Variants in HECW2 observed in about 807,000 individuals in gnomAD.
HECW2 encodes E3 ubiquitin-protein ligase HECW2.
Under a neutral mutation model 175.2 loss-of-function variants are expected in HECW2, and 61 were observed. The ratio of observed to expected loss-of-function variants is 0.35; its 90% CI spans 0.28 to 0.43. The LOEUF (loss-of-function observed/expected upper bound fraction) is 0.43, where lower values mean the gene tolerates loss of function less well. HECW2 is among the 20% of genes least tolerant of loss of function. HECW2 has a pLI of 1.00. For synonymous variants in HECW2, 671 were observed against 731.0 expected (o/e 0.92, Z 1.32); for missense variants, 1,524 against 2,000.5 (o/e 0.76, Z 4.54).
chr2:196,460,052 G>A (rs971364573), intron 1 of HECW2, among the ~76,000 whole-genome samples: 1 of 152,070 alleles, frequency 6.6e-6, no homozygotes, highest in Non-Finnish European at 1.5e-5. Flanking sequence ...GTCTCCAATG[G>A]AAGGCTATGC....
At chr2:196,548,289 C>A (rs1392665388) in intron 1 of HECW2, among the ~76,000 whole-genome samples, 1 of 144,762 alleles carries the variant, frequency 6.9e-6, no homozygotes, top group Non-Finnish European at 1.5e-5. Context: ...GAGATCTCGC[C>A]AGTGCACTCC....
chr2:196,578,224 G>C (rs764204140), intron 1 of HECW2, among the ~76,000 whole-genome samples: 6 of 152,118 alleles, frequency 3.9e-5, no homozygotes, highest in Non-Finnish European at 8.8e-5. Flanking sequence ...TAATTGAAAT[G>C]AATAATTCAC....
intron 14 of HECW2, chr2:196,290,213 T>A (rs1690555846): frequency 6.6e-6 from 1 of 152,170 alleles, no homozygotes. Flanking sequence ...AGTAAAAACA[T>A]CCCCAGAAAA....
chr2:196,390,714 G>A (rs1442524569), intron 2 of HECW2, among the ~76,000 whole-genome samples: 2 of 152,100 alleles, frequency 1.3e-5, no homozygotes, highest in Non-Finnish European at 2.9e-5. Flanking sequence ...TGGGTCCAAG[G>A]CATTCATGGA....
Position 196,197,094 on chromosome 2 carries a change from G to C in HECW2, c.*4183C>G, listed in dbSNP as rs57518059. ...AGACTGTCTCAAACAAACAAACAAAGAAAGCAAAAGGCCCTGAAACTGAGA... is the reference window on the plus strand; with the variant it reads ...AGACTGTCTCAAACAAACAAACAAACAAAGCAAAAGGCCCTGAAACTGAGA... On this transcript the variant is annotated 3_prime_UTR_variant, in exon 29 of 29. Coordinates refer to ENST00000644978, the MANE Select transcript of HECW2 (RefSeq NM_001348768.2). 5,883 of 152,042 alleles carry C rather than the reference G, an allele frequency of 0.039. 387 individuals are homozygous for C. Among genetic ancestry groups the C allele is most frequent in the African/African-American group, 0.13 (5,584 of 41,428 alleles). 9.4% of individuals were successfully genotyped at this position (152,042 alleles called of 1,614,324 possible).
chr2:196,196,598 A>C lies in HECW2; in HGVS notation c.*4679T>G, dbSNP rs994627746. ...GACTGCTTGAGCTCAGGAGTTCAAG[A>C]CCAGCCTGGGCAACGTGGCAAAACC... On this transcript the variant is annotated 3_prime_UTR_variant, in exon 29 of 29. Transcript: ENST00000644978. The C allele has an allele frequency of 6.6e-6, 1 of 152,552 alleles. No homozygotes were observed. The highest frequency in any genetic ancestry group is 1.9e-4 in the East Asian group (1 of 5,216). The allele number at this position is 152,552 out of a possible 1,614,324, so 9.4% of individuals were successfully genotyped here.
chr2:196,326,863 C>A (rs1197399191), intron 5 of HECW2, among the ~76,000 whole-genome samples: 16 of 152,164 alleles, frequency 1.1e-4, no homozygotes, highest in Non-Finnish European at 2.9e-5. Context: ...GCCGTGCAGT[C>A]CCCATTCCTG....
chr2:196,398,980 T>G (rs765349732), intron 2 of HECW2, among the ~76,000 whole-genome samples: 144 of 152,246 alleles, frequency 9.5e-4, no homozygotes, highest in Admixed American at 1.6e-3. Context: ...ACCCTGTCTC[T>G]TTAAAAACAA....
intron 21 of HECW2, among the ~76,000 whole-genome samples, chr2:196,237,359 A>G (rs1453384292): frequency 2.0e-5 from 3 of 152,024 alleles, no homozygotes; most frequent in Non-Finnish European, 2.9e-5. Context: ...TCTTTCCCCC[A>G]AGTCCCAAAA....
At chr2:196,580,574 A>G (rs1162673459) in intron 1 of HECW2, among the ~76,000 whole-genome samples, 1 of 152,126 alleles carries the variant, frequency 6.6e-6, no homozygotes. Context: ...AGCACATGAA[A>G]AAATGTTCAA....
intron 2 of HECW2, among the ~76,000 whole-genome samples, chr2:196,350,138 C>A (rs1390982951): frequency 6.6e-6 from 1 of 152,116 alleles, no homozygotes; most frequent in East Asian, 1.9e-4. Flanking sequence ...CCGAGGCAGG[C>A]AGATCACTTG....
intron 4 of HECW2, among the ~76,000 whole-genome samples, chr2:196,332,428 C>T (rs1164740372): frequency 6.6e-6 from 1 of 152,116 alleles, no homozygotes; most frequent in Non-Finnish European, 1.5e-5. Context: ...GGTCAGAAAT[C>T]GATTAAAGAC....
intron 1 of HECW2, among the ~76,000 whole-genome samples, chr2:196,434,585 A>G (rs980322975): frequency 6.6e-6 from 1 of 152,336 alleles, no homozygotes; most frequent in Non-Finnish European, 1.5e-5. Flanking sequence ...CCTGTTTGCC[A>G]TGGGTTTACA....
At chr2:196,416,120 C>T (rs1181356711) in intron 2 of HECW2, among the ~76,000 whole-genome samples, 3 of 152,170 alleles carry the variant, frequency 2.0e-5, no homozygotes, top group Non-Finnish European at 4.4e-5. Context: ...TAGACACTTG[C>T]ATTGGTCACA....
chr2:196,476,378 G>A (rs1212056157), intron 1 of HECW2, among the ~76,000 whole-genome samples: 3 of 151,762 alleles, frequency 2.0e-5, no homozygotes, highest in Non-Finnish European at 4.4e-5. Context: ...AGGAGGCAAA[G>A]GTTGCAATAA....
rs879558045 is a variant in HECW2 at position 196,317,162 on chromosome 2, T to C, written c.2434+112A>G. The C allele has an allele frequency of 3.1e-5, 25 of 813,410 alleles. No homozygotes were observed. The Admixed American group carries it at 3.2e-4, about 10-fold the overall frequency. 50.4% of individuals were successfully genotyped at this position (813,410 alleles called of 1,614,324 possible). A position where few individuals can be genotyped will look rare whatever the true frequency, so the allele number is the denominator to read the frequency against. ...GCTATGTCAAGTGGCAACCCCCAGA[T>C]TCCTTCCGCTTGAAGACCATGTATC... On this transcript the variant is annotated intron_variant, in intron 10 of 28. Transcript: ENST00000644978.
intron 1 of HECW2, among the ~76,000 whole-genome samples, chr2:196,488,948 GAAGT>G (rs1313733583): frequency 6.6e-6 from 1 of 152,168 alleles, no homozygotes; most frequent in East Asian, 1.9e-4. Flanking sequence ...TGCATACATA[GAAGT>G]AAGTTAAAAG....
At chr2:196,322,425 T>G in intron 7 of HECW2, 53 bp downstream of exon 7, 1 of 1,508,166 alleles carries the variant, frequency 6.6e-7, no homozygotes, top group Non-Finnish European at 9.0e-7. Flanking sequence ...TCATGTCATT[T>G]TTTCCTATAT....
At chr2:196,285,965 T>C (rs535209129) in intron 14 of HECW2, among the ~76,000 whole-genome samples, 1 of 152,184 alleles carries the variant, frequency 6.6e-6, no homozygotes, top group Non-Finnish European at 1.5e-5. Flanking sequence ...ACAAGCACAA[T>C]ATAAGTACAA....
Sources: allele counts gnomAD v4.1 joint callset (sites outside exome capture counted in the v4.1 genomes callset), GRCh38; gene constraint gnomAD v4.1.1; transcripts MANE v1.5; gene names NCBI Gene and HGNC (gene_info 2026-07-23, HGNC 2026-07-21).